RBFOX1: variants seen among roughly 807,000 people sequenced by gnomAD.
RBFOX1 encodes RNA binding protein fox-1 homolog 1.
RBFOX1 carries 8 observed loss-of-function variants against 57.7 expected under a neutral mutation model. That is an observed-to-expected ratio of 0.14 (90% CI 0.08 to 0.25). The LOEUF (loss-of-function observed/expected upper bound fraction) is 0.25, where lower values mean the gene tolerates loss of function less well. Ranked by LOEUF, RBFOX1 falls within the 10% of genes least tolerant of loss-of-function variation. The pLI is 1.00. For synonymous variants in RBFOX1, 326 were observed against 222.4 expected (o/e 1.47, Z -4.15); for missense variants, 611 against 548.5 (o/e 1.11, Z -1.14).
At chr16:5,529,472 C>G (rs899490847) in intron 2 of RBFOX1, among the ~76,000 whole-genome samples, 1 of 150,684 alleles carries the variant, frequency 6.6e-6, no homozygotes, top group African/African-American at 2.4e-5. Flanking sequence ...TCTCAGCTCA[C>G]TGCATCCTCT....
intron 1 of RBFOX1, among the ~76,000 whole-genome samples, chr16:6,107,672 G>A (rs1379825474): frequency 6.7e-6 from 1 of 148,418 alleles, no homozygotes; most frequent in African/African-American, 2.5e-5. Context: ...TAGATGCATG[G>A]GTGGATGGAT....
chr16:5,581,164 C>G (rs962759374), intron 2 of RBFOX1, among the ~76,000 whole-genome samples: 5 of 151,408 alleles, frequency 3.3e-5, no homozygotes, highest in African/African-American at 9.7e-5. Flanking sequence ...CTCCTATGTG[C>G]ATTTTTTTTT....
chr16:5,314,955 A>G (rs1273049315), intron 1 of RBFOX1, among the ~76,000 whole-genome samples: 2 of 152,200 alleles, frequency 1.3e-5, no homozygotes, highest in Non-Finnish European at 2.9e-5. Flanking sequence ...GGAGCCCACA[A>G]AAGTGAAAGT....
chr16:6,340,726 G>C (rs1383851802), intron 2 of RBFOX1, among the ~76,000 whole-genome samples: 1 of 152,016 alleles, frequency 6.6e-6, no homozygotes, highest in African/African-American at 2.4e-5. Context: ...TTTATGACCT[G>C]TATCTTGTGC....
intron 3 of RBFOX1, among the ~76,000 whole-genome samples, chr16:6,898,414 C>G (rs138136230): frequency 2.6e-5 from 4 of 152,134 alleles, no homozygotes; most frequent in Admixed American, 6.5e-5. Context: ...GACATTTCAG[C>G]TTGTTATGTG....
At chr16:7,041,768 C>A (rs899313) in intron 3 of RBFOX1, among the ~76,000 whole-genome samples, 3,359 of 152,220 alleles carry the variant, frequency 0.022, 140 homozygotes, top group African/African-American at 0.076. Flanking sequence ...TCATTTGACC[C>A]AGTGCTTCTT....
At chr16:7,158,769 G>A (rs1191202284) in intron 4 of RBFOX1, among the ~76,000 whole-genome samples, 2 of 152,090 alleles carry the variant, frequency 1.3e-5, no homozygotes, top group South Asian at 2.1e-4. Context: ...ATGTCTGTGA[G>A]TAGTGTGTGT....
chr16:7,695,509 C>G (rs1029144567), intron 14 of RBFOX1, among the ~76,000 whole-genome samples: 4 of 151,810 alleles, frequency 2.6e-5, no homozygotes, highest in African/African-American at 9.7e-5. Flanking sequence ...AAAAATTAGC[C>G]GGGTGTGGTG....
chr16:7,494,051 C>G (rs188479854), intron 4 of RBFOX1, among the ~76,000 whole-genome samples: 118 of 152,242 alleles, frequency 7.8e-4, no homozygotes, highest in African/African-American at 2.7e-3. Flanking sequence ...GATTTCTTCT[C>G]CGAGAGTGGT....
At chr16:6,190,166 C>G (rs1309945917) in intron 1 of RBFOX1, among the ~76,000 whole-genome samples, 1 of 152,166 alleles carries the variant, frequency 6.6e-6, no homozygotes. Flanking sequence ...GTGCATACTC[C>G]TGTGCTTCAA....
At chr16:6,791,167 A>G (rs1255183253) in intron 3 of RBFOX1, among the ~76,000 whole-genome samples, 2 of 152,010 alleles carry the variant, frequency 1.3e-5, no homozygotes, top group African/African-American at 4.8e-5. Context: ...TCAGCCTCCC[A>G]AAGTGCTGGG....
chr16:6,536,572 C>A (rs1254819528), intron 2 of RBFOX1, among the ~76,000 whole-genome samples: 1 of 149,162 alleles, frequency 6.7e-6, no homozygotes, highest in African/African-American at 2.5e-5. Context: ...TTTTTTCTTT[C>A]TAATTTTCCT....
At chr16:7,053,232 C>G (rs943293067) in intron 4 of RBFOX1, among the ~76,000 whole-genome samples, 2 of 152,142 alleles carry the variant, frequency 1.3e-5, no homozygotes, top group Admixed American at 6.5e-5. Flanking sequence ...GAAAGTGAGA[C>G]AAGGTTTTCT....
chr16:7,646,740 G>A (rs995866748), intron 11 of RBFOX1, among the ~76,000 whole-genome samples: 1 of 152,212 alleles, frequency 6.6e-6, no homozygotes, highest in African/African-American at 2.4e-5. Context: ...CTCCCCCAGA[G>A]CTCTAAAACT....
At chr16:5,352,565 G>T (rs895683625) in intron 1 of RBFOX1, among the ~76,000 whole-genome samples, 1 of 152,060 alleles carries the variant, frequency 6.6e-6, no homozygotes, top group African/African-American at 2.4e-5. Flanking sequence ...CACCCTGAAC[G>T]TTTGATCACG....
chr16:6,059,453 T>C (rs1228587760), intron 1 of RBFOX1, among the ~76,000 whole-genome samples: 2 of 152,144 alleles, frequency 1.3e-5, no homozygotes, highest in African/African-American at 2.4e-5. Flanking sequence ...CTAAAGAAAA[T>C]ACATATAACA....
At chr16:6,541,067 T>C (rs2096809724) in intron 2 of RBFOX1, among the ~76,000 whole-genome samples, 1 of 152,178 alleles carries the variant, frequency 6.6e-6, no homozygotes, top group Non-Finnish European at 1.5e-5. Context: ...CTTTTAGAGA[T>C]GGAAAAGCTC....
At chr16:5,455,701 C>G (rs2068610036) in intron 1 of RBFOX1, among the ~76,000 whole-genome samples, 2 of 152,180 alleles carry the variant, frequency 1.3e-5, no homozygotes, top group Admixed American at 1.3e-4. Context: ...ACAGGCAGCC[C>G]TTTAGCGGTC....
chr16:7,004,601 G>C (rs147271558), intron 3 of RBFOX1, among the ~76,000 whole-genome samples: 1 of 152,264 alleles, frequency 6.6e-6, no homozygotes, highest in East Asian at 1.9e-4. Context: ...CTATTTAATG[G>C]CTTTAATTTA....
Sources: allele counts gnomAD v4.1 joint callset (sites outside exome capture counted in the v4.1 genomes callset), GRCh38; gene constraint gnomAD v4.1.1; transcripts MANE v1.5; gene names NCBI Gene and HGNC (gene_info 2026-07-23, HGNC 2026-07-21).